SPOCK3: variants seen among roughly 807,000 people sequenced by gnomAD.
SPOCK3 encodes testican-3.
Under a neutral mutation model 56.6 loss-of-function variants are expected in SPOCK3, and 30 were observed. The ratio of observed to expected loss-of-function variants is 0.53; its 90% CI spans 0.40 to 0.72. The LOEUF is 0.72. SPOCK3 is among the 30% of genes least tolerant of loss of function. The pLI is 0.00. For missense variants in SPOCK3, 527 were observed against 530.0 expected (o/e 0.99, Z 0.06); for synonymous variants, 196 against 183.3 (o/e 1.07, Z -0.56).
chr4:166,848,524 T>TG (rs1748335792), intron 6 of SPOCK3, among the ~76,000 whole-genome samples: 1 of 152,220 alleles, frequency 6.6e-6, no homozygotes, highest in Admixed American at 6.5e-5. Flanking sequence ...CCTTTTGAAA[T>TG]CCTTGGTGAG....
At chr4:167,044,322 A>G (rs1030231409) in intron 3 of SPOCK3, among the ~76,000 whole-genome samples, 3 of 151,550 alleles carry the variant, frequency 2.0e-5, no homozygotes, top group African/African-American at 7.3e-5. Context: ...GTAATTTGTG[A>G]CCCTTCTTTT....
chr4:167,173,110 C>G (rs1359603473), intron 2 of SPOCK3, among the ~76,000 whole-genome samples: 1 of 152,074 alleles, frequency 6.6e-6, no homozygotes, highest in Non-Finnish European at 1.5e-5. Flanking sequence ...TTTCACTTGC[C>G]TTGAGTTATG....
At chr4:167,125,861 G>T (rs1261364308) in intron 2 of SPOCK3, among the ~76,000 whole-genome samples, 3 of 152,076 alleles carry the variant, frequency 2.0e-5, no homozygotes, top group Non-Finnish European at 4.4e-5. Flanking sequence ...CAACATCTTG[G>T]CTTCATTTCA....
intron 5 of SPOCK3, among the ~76,000 whole-genome samples, chr4:166,909,990 G>C (rs969684681): frequency 2.0e-5 from 3 of 151,820 alleles, no homozygotes; most frequent in Non-Finnish European, 2.9e-5. Context: ...TTCTTATGAG[G>C]GGGGAACAAA....
At chr4:166,906,061 C>T (rs1736573635) in intron 5 of SPOCK3, among the ~76,000 whole-genome samples, 1 of 151,994 alleles carries the variant, frequency 6.6e-6, no homozygotes, top group South Asian at 2.1e-4. Flanking sequence ...AATTGACAGA[C>T]TGATTCTGAA....
intron 4 of SPOCK3, among the ~76,000 whole-genome samples, chr4:166,993,487 C>T (rs1454818154): frequency 6.6e-6 from 1 of 151,952 alleles, no homozygotes; most frequent in Non-Finnish European, 1.5e-5. Flanking sequence ...AAAGCTATGC[C>T]CACCCTCATG....
chr4:167,087,143 G>A lies in SPOCK3; in HGVS notation c.190-24606C>T, dbSNP rs139848860. Among the ~76,000 whole-genome samples the A allele has an allele frequency of 5.3e-5, 8 of 152,192 alleles. No individual in the cohort carries two copies. The East Asian group carries it at 1.4e-3, about 26-fold the overall frequency. On this transcript the variant is annotated intron_variant, in intron 2 of 10. Coordinates refer to ENST00000357545, the MANE Select transcript of SPOCK3 (RefSeq NM_001040159.2). ...GCTTACTCTGTACCAGGCAGTGTTT[G>A]TAGTAACTTAAAATTTTTTACTCAT...
chr4:167,015,786 A>G (rs920807743), intron 3 of SPOCK3, among the ~76,000 whole-genome samples: 1 of 152,134 alleles, frequency 6.6e-6, no homozygotes, highest in African/African-American at 2.4e-5. Flanking sequence ...GGTTTCTGAC[A>G]CTCATAGCCC....
At chr4:166,912,405 G>T (rs535596964) in intron 5 of SPOCK3, among the ~76,000 whole-genome samples, 97 of 152,228 alleles carry the variant, frequency 6.4e-4, no homozygotes, top group African/African-American at 2.3e-3. Context: ...TTTGATATCT[G>T]AGGGTTCATA....
At chr4:166,934,587 G>T (rs965502426) in intron 4 of SPOCK3, among the ~76,000 whole-genome samples, 2 of 152,062 alleles carry the variant, frequency 1.3e-5, no homozygotes, top group African/African-American at 4.8e-5. Context: ...TATGTATTTA[G>T]AAATGATCTA....
At chr4:167,228,079 AT>A (rs926693208) in intron 2 of SPOCK3, among the ~76,000 whole-genome samples, 8 of 152,114 alleles carry the variant, frequency 5.3e-5, no homozygotes, top group Non-Finnish European at 1.0e-4. Flanking sequence ...ATGTCTTAAC[AT>A]TTTGGGGGTG....
At chr4:167,205,566 T>A (rs867413262) in intron 2 of SPOCK3, among the ~76,000 whole-genome samples, 3 of 76,558 alleles carry the variant, frequency 3.9e-5, no homozygotes, top group South Asian at 3.0e-4. Flanking sequence ...TAATATATAT[T>A]ATATATATAA....
chr4:167,047,592 C>A (rs1753843069), intron 3 of SPOCK3, among the ~76,000 whole-genome samples: 1 of 152,150 alleles, frequency 6.6e-6, no homozygotes, highest in African/African-American at 2.4e-5. Context: ...CATTATTGAC[C>A]TAAACTTAAG....
rs1377708297 is a variant in SPOCK3 at position 166,737,589 on chromosome 4, A to T, written c.1010T>A (p.Leu337Gln). Residue 337 changes from leucine to glutamine, a missense_variant, in exon 10 of 11, where the codon CTG becomes CAG. Coordinates refer to ENST00000357545, the MANE Select transcript of SPOCK3 (RefSeq NM_001040159.2). ...CTTGTAGTAACCATCTTCATCACAC[A>T]GGGGGATATACTGTCCTGTTGAAAC... ...VKKLLGQYIP[L>Q]CDEDGYYKPT... 6.2e-7 allele frequency: 1 copy of T among 1,612,294 alleles called. No homozygotes were observed. The highest frequency in any genetic ancestry group is 8.5e-7 in the Non-Finnish European group (1 of 1,179,214).
Position 167,024,167 on chromosome 4 carries a change from T to C in SPOCK3, c.236-23704A>G, listed in dbSNP as rs1580032437. ...ATCCTGGGTGCTTCACCATCCTTTC[T>C]TGGATCCCTTAACCTGTTCACACTT... On this transcript the variant is annotated intron_variant, in intron 3 of 10. Transcript: ENST00000357545. 2.0e-5 allele frequency among the ~76,000 whole-genome samples: 3 copies of C among 152,124 alleles called. No homozygotes were observed. The South Asian group carries it at 6.2e-4, about 31-fold the overall frequency.
chr4:167,030,533 T>A (rs1247313317), intron 3 of SPOCK3, among the ~76,000 whole-genome samples: 6 of 152,038 alleles, frequency 3.9e-5, no homozygotes, highest in Non-Finnish European at 1.5e-5. Context: ...AAAATGACAT[T>A]CTGTAGCAAA....
At chr4:167,111,236 T>C (rs1760875899) in intron 2 of SPOCK3, among the ~76,000 whole-genome samples, 3 of 151,942 alleles carry the variant, frequency 2.0e-5, no homozygotes, top group Admixed American at 1.3e-4. Context: ...CTGAAGCAAA[T>C]ACCAAATGTA....
intron 2 of SPOCK3, among the ~76,000 whole-genome samples, chr4:167,223,395 T>C (rs994257859): frequency 6.7e-6 from 1 of 148,164 alleles, no homozygotes; most frequent in Non-Finnish European, 1.5e-5. Context: ...GGAGATATTA[T>C]ATTATATATA....
intron 4 of SPOCK3, among the ~76,000 whole-genome samples, chr4:166,955,499 TTAGTTATATTATTA>T (rs1743302168): frequency 6.9e-6 from 1 of 145,772 alleles, no homozygotes; most frequent in African/African-American, 2.5e-5. Flanking sequence ...TATTATTAAA[TTAGTTATATTATTA>T]AATTATATTA....
Sources: allele counts gnomAD v4.1 joint callset (sites outside exome capture counted in the v4.1 genomes callset), GRCh38; gene constraint gnomAD v4.1.1; transcripts MANE v1.5; gene names NCBI Gene and HGNC (gene_info 2026-07-23, HGNC 2026-07-21).